CDS2: variants seen among roughly 807,000 people sequenced by gnomAD.
CDS2 encodes phosphatidate cytidylyltransferase 2.
A neutral mutation model predicts 59.0 loss-of-function variants in CDS2; 47 were observed. The ratio of observed to expected loss-of-function variants is 0.80; its 90% CI spans 0.63 to 1.02. The LOEUF (loss-of-function observed/expected upper bound fraction) is 1.02. Ranked by LOEUF, CDS2 falls within the 50% of genes least tolerant of loss-of-function variation. CDS2 has a pLI of 0.00. For synonymous variants in CDS2, 207 were observed against 206.4 expected, an observed-to-expected ratio of 1.00 and a Z score of -0.02; for missense variants, 356 against 558.9, an observed-to-expected ratio of 0.64 and a Z score of 3.66.
At chr20:5,152,743 T>TCACA (rs982425211) in intron 1 of CDS2, among the ~76,000 whole-genome samples, 4 of 152,138 alleles carry the variant, frequency 2.6e-5, no homozygotes, top group African/African-American at 9.7e-5. Flanking sequence ...ACTCTGTCTC[T>TCACA]CACACACACG....
At chr20:5,187,940 T>A (rs1410163623) in intron 10 of CDS2, 2 of 151,908 alleles carry the variant, frequency 1.3e-5, no homozygotes, top group Admixed American at 1.3e-4. Flanking sequence ...AGGATAAAAT[T>A]TGGCTTTCAA....
intron 1 of CDS2, among the ~76,000 whole-genome samples, chr20:5,145,747 A>T (rs2090736845): frequency 1.3e-5 from 2 of 150,846 alleles, no homozygotes; most frequent in Non-Finnish European, 2.9e-5. Flanking sequence ...TTTCATTGGG[A>T]TATTGGGGCC....
intron 8 of CDS2, among the ~76,000 whole-genome samples, 170 bp from the exon 9 acceptor site, chr20:5,185,588 A>G (rs1320565834): frequency 6.6e-6 from 1 of 152,202 alleles, no homozygotes; most frequent in Non-Finnish European, 1.5e-5. Context: ...AACCAAAGGG[A>G]GGAGGATATA....
chr20:5,182,264 C>T (rs566964145), intron 5 of CDS2, 123 bp from the exon 6 acceptor site: 2 of 680,080 alleles, frequency 2.9e-6, no homozygotes, highest in Admixed American at 6.6e-5. Context: ...TGGGCTTTGA[C>T]ATTGTGCACT....
intron 1 of CDS2, among the ~76,000 whole-genome samples, 171 bp downstream of exon 1, chr20:5,127,320 G>T (rs1387202142): frequency 1.3e-5 from 2 of 152,132 alleles, no homozygotes; most frequent in Non-Finnish European, 2.9e-5. Context: ...CGCGGCGCGC[G>T]CGTCAGGGGT....
chr20:5,132,393 C>T (rs1001815004), intron 1 of CDS2, among the ~76,000 whole-genome samples: 3 of 152,110 alleles, frequency 2.0e-5, no homozygotes, highest in South Asian at 2.1e-4. Flanking sequence ...CCACCGCGCC[C>T]GGCCTCTTTT....
intron 1 of CDS2, among the ~76,000 whole-genome samples, chr20:5,142,989 A>G (rs905833643): frequency 6.6e-6 from 1 of 152,038 alleles, no homozygotes; most frequent in Admixed American, 6.6e-5. Flanking sequence ...AATACAGGCA[A>G]ACACCACCAT....
intron 1 of CDS2, among the ~76,000 whole-genome samples, chr20:5,154,072 C>T (rs1207525756): frequency 1.3e-5 from 2 of 152,148 alleles, no homozygotes; most frequent in Non-Finnish European, 2.9e-5. Flanking sequence ...TTTCTTTCCA[C>T]CCCGTTCCCA....
Position 5,148,941 on chromosome 20 carries a change from T to C in CDS2, c.57+21792T>C, listed in dbSNP as rs77937170. On this transcript the variant is annotated intron_variant, in intron 1 of 12. Transcript: ENST00000460006. The stretch of plus-strand genomic sequence containing the variant: ...AAACATACCACTAAGGAGTAACTGT[T>C]TTGAAAACTTACCAAGGACTGTTTC... Among the ~76,000 whole-genome samples the C allele has an allele frequency of 5.2e-3, 795 of 152,362 alleles. 5 individuals are homozygous for C. The highest frequency in any genetic ancestry group is 0.016 in the South Asian group (77 of 4,832).
rs371663044 is a variant in CDS2 at position 5,189,730 on chromosome 20, A to G, written c.1102-5A>G. ...GTTCACCCATCCTTCCCCTGCCTCTAACAGGACTTTGCCAATACCATTCCT... is the reference window on the plus strand; with the variant it reads ...GTTCACCCATCCTTCCCCTGCCTCTGACAGGACTTTGCCAATACCATTCCT... On this transcript the variant is annotated splice_region_variant and splice_polypyrimidine_tract_variant and intron_variant, in intron 11 of 12. Coordinates refer to ENST00000460006, the MANE Select transcript of CDS2 (RefSeq NM_003818.4). 1.6e-5 allele frequency: 26 copies of G among 1,612,042 alleles called. No individual in the cohort carries two copies. In the African/African-American group the frequency reaches 3.5e-4, roughly 22 times the overall value.
intron 1 of CDS2, among the ~76,000 whole-genome samples, chr20:5,163,117 G>A (rs376457909): frequency 3.9e-5 from 6 of 152,340 alleles, no homozygotes; most frequent in African/African-American, 1.4e-4. Flanking sequence ...GCCAAAGCGT[G>A]AGGATCACTT....
At chr20:5,174,499 G>A (rs1178630540) in intron 2 of CDS2, among the ~76,000 whole-genome samples, 1 of 152,184 alleles carries the variant, frequency 6.6e-6, no homozygotes, top group African/African-American at 2.4e-5. Flanking sequence ...CACTTTGGGA[G>A]GCCGAGGCGG....
chr20:5,128,057 C>T (rs41282114), intron 1 of CDS2: 9,778 of 152,296 alleles, frequency 0.064, 446 homozygotes, highest in Non-Finnish European at 0.097. Context: ...CGGGATTGCC[C>T]ATGAGTGACC....
Position 5,175,246 on chromosome 20 carries a change from C to A in CDS2, c.258C>A (p.Ile86=), listed in dbSNP as rs1481335202. Reference sequence around the variant, plus strand: ...CCATGATTGCATTTTTCTTCATCATCATTTACCTGGGACCAATGGTTTTGA... The same window carrying A: ...CCATGATTGCATTTTTCTTCATCATAATTTACCTGGGACCAATGGTTTTGA... ...TLAMIAFFFI[I]IYLGPMVLMI... Residue 86 remains isoleucine, a synonymous_variant, in exon 3 of 13, where the codon ATC becomes ATA. Transcript: ENST00000460006. 2 of 1,614,052 alleles carry A rather than the reference C, an allele frequency of 1.2e-6. No individual in the cohort carries two copies. The highest frequency in any genetic ancestry group is 1.1e-5 in the South Asian group (1 of 91,078).
chr20:5,174,152 C>T (rs1159153111), intron 2 of CDS2, among the ~76,000 whole-genome samples: 1 of 152,194 alleles, frequency 6.6e-6, no homozygotes, highest in Admixed American at 6.5e-5. Flanking sequence ...AGTGTTAAAA[C>T]TTTTGGCCCT....
chr20:5,177,473 T>A (rs1452012852), intron 4 of CDS2, among the ~76,000 whole-genome samples: 2 of 152,146 alleles, frequency 1.3e-5, no homozygotes, highest in Non-Finnish European at 2.9e-5. Context: ...GATTCAGCTT[T>A]CTTAAAGCAA....
At chr20:5,170,362 G>A (rs1026002037) in intron 1 of CDS2, among the ~76,000 whole-genome samples, 19 of 152,202 alleles carry the variant, frequency 1.2e-4, no homozygotes, top group African/African-American at 4.6e-4. Context: ...AGCTGCCGCT[G>A]GCACTCAGCT....
At chr20:5,183,002 C>G in intron 6 of CDS2, 59 bp from the exon 7 acceptor site, 1 of 1,388,860 alleles carries the variant, frequency 7.2e-7, no homozygotes, top group South Asian at 1.2e-5. Context: ...ATTGATTGTT[C>G]TTTGAAGTTA....
In CDS2 at chr20:5,143,767, C is replaced by CTTT. The variant is rs373867800; in HGVS notation, c.57+16631_57+16633dup. On this transcript the variant is annotated intron_variant, in intron 1 of 12. Coordinates refer to ENST00000460006, the MANE Select transcript of CDS2 (RefSeq NM_003818.4). ...AGTTCTTTTTCTTTTTCTTCTTCTTCTTTTTTTTTTTTTTTGAGACAGAGT... is the reference window on the plus strand; with the variant it reads ...AGTTCTTTTTCTTTTTCTTCTTCTTCTTTTTTTTTTTTTTTTTTGAGACAGAGT... 3.2e-4 allele frequency among the ~76,000 whole-genome samples: 33 copies of CTTT among 102,492 alleles called. 3 individuals carry two copies. Among genetic ancestry groups the CTTT allele is most frequent in the African/African-American group, 7.5e-4 (19 of 25,232 alleles). The allele number at this position is 102,492 out of a possible 152,430, so 67.2% of individuals were successfully genotyped here.
Sources: gnomAD v4.1 joint callset for allele counts (sites outside exome capture counted in the v4.1 genomes callset) on GRCh38, gnomAD v4.1.1 for gene constraint, MANE v1.5 for transcripts, NCBI Gene and HGNC (gene_info 2026-07-23, HGNC 2026-07-21) for gene names.